ANGPT2: variants seen among roughly 807,000 people sequenced by gnomAD.
The protein encoded by ANGPT2 is angiopoietin-2.
Under a neutral mutation model 62.9 loss-of-function variants are expected in ANGPT2, and 28 were observed. The ratio of observed to expected loss-of-function variants is 0.44; its 90% CI spans 0.33 to 0.61. ANGPT2 has a LOEUF of 0.61. Among genes scored for constraint, ANGPT2 ranks in the 20% least tolerant of loss-of-function variants. ANGPT2 has a pLI of 0.03. For missense variants in ANGPT2, 727 were observed against 594.9 expected, an observed-to-expected ratio of 1.22 and a Z score of -2.31; for synonymous variants, 284 against 207.8, an observed-to-expected ratio of 1.37 and a Z score of -3.15.
intron 1 of ANGPT2, among the ~76,000 whole-genome samples, chr8:6,552,573 A>G (rs531488554): frequency 5.6e-4 from 86 of 152,332 alleles, no homozygotes; most frequent in Non-Finnish European, 1.2e-3. Flanking sequence ...ATAGATCTTG[A>G]TAAGTGTCTT....
chr8:6,525,255 G>A (rs1818119638), intron 3 of ANGPT2, among the ~76,000 whole-genome samples: 1 of 152,120 alleles, frequency 6.6e-6, no homozygotes, highest in African/African-American at 2.4e-5. Context: ...CCTGATCGTT[G>A]TAAATTAGTA....
intron 7 of ANGPT2, among the ~76,000 whole-genome samples, chr8:6,512,940 G>C (rs1017704110): frequency 1.2e-4 from 18 of 152,326 alleles, no homozygotes; most frequent in African/African-American, 4.3e-4. Flanking sequence ...CTTTGAGATT[G>C]AAGACAATTG....
intron 1 of ANGPT2, among the ~76,000 whole-genome samples, chr8:6,556,098 C>CA (rs1450607297): frequency 1.3e-5 from 2 of 152,084 alleles, no homozygotes; most frequent in Non-Finnish European, 2.9e-5. Flanking sequence ...GAATTGCTGC[C>CA]AAGACTAACC....
chr8:6,503,509 G>A (rs963885114), intron 8 of ANGPT2, among the ~76,000 whole-genome samples: 2 of 152,154 alleles, frequency 1.3e-5, no homozygotes, highest in Non-Finnish European at 2.9e-5. Flanking sequence ...GTGCTGTGTG[G>A]AGAGGCCTGA....
intron 5 of ANGPT2, 80 bp from the exon 6 acceptor site, chr8:6,514,858 C>T: frequency 2.4e-6 from 3 of 1,247,862 alleles, no homozygotes; most frequent in Non-Finnish European, 3.5e-6. Context: ...GGAATGTAGA[C>T]CCTGAGTGCA....
intron 1 of ANGPT2, among the ~76,000 whole-genome samples, chr8:6,541,204 A>G (rs1821495787): frequency 6.6e-6 from 1 of 152,206 alleles, no homozygotes; most frequent in Admixed American, 6.5e-5. Context: ...TCTGAGCAGC[A>G]CCAGAGGGTT....
intron 4 of ANGPT2, 107 bp downstream of exon 4, chr8:6,521,071 A>G: frequency 1.4e-6 from 1 of 740,014 alleles, no homozygotes; most frequent in South Asian, 1.9e-5. Context: ...CATATGAAAT[A>G]TATGAGAAAT....
rs140171100 is a variant in ANGPT2, at chr8:6,544,245, A to G, written c.289-11758T>C. 3.3e-5 allele frequency among the ~76,000 whole-genome samples: 5 copies of G among 152,316 alleles called. No homozygotes were observed. In the East Asian group the frequency reaches 7.7e-4, roughly 23 times the overall value. On this transcript the variant is annotated intron_variant, in intron 1 of 8. Coordinates refer to ENST00000629816, the MANE Select transcript of ANGPT2 (RefSeq NM_001118887.2). ...AGCTGGGACCTCTGTTTATTATGGA[A>G]GACCATAGAAAACCCCATAAACACG...
At chr8:6,540,102 G>C (rs563488875) in intron 1 of ANGPT2, among the ~76,000 whole-genome samples, 1 of 152,206 alleles carries the variant, frequency 6.6e-6, no homozygotes, top group African/African-American at 2.4e-5. Flanking sequence ...AGTAATTTGA[G>C]TGTACCAGAA....
At chr8:6,506,531 G>C (rs1482491559) in intron 8 of ANGPT2, among the ~76,000 whole-genome samples, 1 of 152,188 alleles carries the variant, frequency 6.6e-6, no homozygotes, top group Non-Finnish European at 1.5e-5. Context: ...TTCTCAAGGA[G>C]AGAGCTGGGT....
Position 6,563,003 on chromosome 8 carries a change from GC to G in ANGPT2, c.-70del. 1 of 1,498,476 alleles carries G rather than the reference GC, an allele frequency of 6.7e-7. No individual in the cohort carries two copies. Among genetic ancestry groups the G allele is most frequent in the East Asian group, 2.3e-5 (1 of 43,190 alleles). 92.8% of individuals were successfully genotyped at this position (1,498,476 alleles called of 1,614,324 possible). On this transcript the variant is annotated 5_prime_UTR_variant, in exon 1 of 9. Transcript: ENST00000629816. Reference sequence around the variant, plus strand: ...AAACACACGTCCAGAGTCCCGAGCTGCTGCCGTCTAAAACGCAGGGCTGCTA... The same window carrying G: ...AAACACACGTCCAGAGTCCCGAGCTGTGCCGTCTAAAACGCAGGGCTGCTA...
intron 1 of ANGPT2, among the ~76,000 whole-genome samples, chr8:6,558,038 G>A (rs970755646): frequency 1.3e-5 from 2 of 152,002 alleles, no homozygotes; most frequent in Admixed American, 6.6e-5. Context: ...GCCCCCACAC[G>A]CACCTTTAGT....
chr8:6,531,277 CT>C (rs1819457747), intron 2 of ANGPT2, among the ~76,000 whole-genome samples: 1 of 148,074 alleles, frequency 6.8e-6, no homozygotes, highest in Non-Finnish European at 1.5e-5. Flanking sequence ...TTACTAGTTT[CT>C]TTCTTTCTTT....
At chr8:6,534,440 A>G (rs1820137148) in intron 1 of ANGPT2, among the ~76,000 whole-genome samples, 1 of 152,142 alleles carries the variant, frequency 6.6e-6, no homozygotes, top group Non-Finnish European at 1.5e-5. Flanking sequence ...CCCCACAGAC[A>G]TCAAGGGACA....
chr8:6,524,870 GA>G (rs1267056712), intron 3 of ANGPT2, among the ~76,000 whole-genome samples: 1 of 152,186 alleles, frequency 6.6e-6, no homozygotes, highest in Non-Finnish European at 1.5e-5. Context: ...TTGGTGTCAC[GA>G]GCACCTTCAG....
intron 1 of ANGPT2, among the ~76,000 whole-genome samples, chr8:6,541,307 G>A (rs1821519872): frequency 6.6e-6 from 1 of 152,204 alleles, no homozygotes; most frequent in African/African-American, 2.4e-5. Flanking sequence ...AGTCTCATGG[G>A]CCCCAGGCTG....
Position 6,519,979 on chromosome 8 carries a change from G to A in ANGPT2, c.812C>T (p.Thr271Ile), listed in dbSNP as rs1332062975. The A allele has an allele frequency of 6.2e-7, 1 of 1,613,930 alleles. No individual in the cohort carries two copies. The change falls in exon 5 of 9, where the codon ACT (threonine) becomes ATT (isoleucine). Residue 271 changes from threonine to isoleucine, a missense_variant. By Grantham distance (89) the Thr-to-Ile change is moderately conservative. Transcript: ENST00000629816. ...MMSTSNSKDP[T>I]VAKEEQISFR... ...GCTGATTTGTTCTTCTTTAGCAACA[G>A]TGGGGTCCTTAGCTGCTTTTAAAAA...
At chr8:6,558,867 A>G (rs1341528295) in intron 1 of ANGPT2, among the ~76,000 whole-genome samples, 1 of 152,202 alleles carries the variant, frequency 6.6e-6, no homozygotes, top group East Asian at 1.9e-4. Context: ...TATTTTATAT[A>G]CTGTATAGGC....
Position 6,563,027 on chromosome 8 carries a change from C to CG in ANGPT2, c.-94_-93insC. ...TGCTGCCGTCTAAAACGCAGGGCTG[C>CG]TACGCTGCCATGGCTGGGTCCGTCA... On this transcript the variant is annotated 5_prime_UTR_variant, in exon 1 of 9. It removes the in-frame stop codon of an upstream open reading frame in the 5' UTR. Coordinates refer to ENST00000629816, the MANE Select transcript of ANGPT2 (RefSeq NM_001118887.2). The CG allele has an allele frequency of 7.2e-7, 1 of 1,383,136 alleles. No individual in the cohort carries two copies. The highest frequency in any genetic ancestry group is 9.7e-7 in the Non-Finnish European group (1 of 1,026,866). The allele number at this position is 1,383,136 out of a possible 1,614,324, so 85.7% of individuals were successfully genotyped here. A position where few individuals can be genotyped will look rare whatever the true frequency, so the allele number is the denominator to read the frequency against.
Sources: allele counts gnomAD v4.1 joint callset (sites outside exome capture counted in the v4.1 genomes callset), GRCh38; gene constraint gnomAD v4.1.1; transcripts MANE v1.5; gene names NCBI Gene and HGNC (gene_info 2026-07-23, HGNC 2026-07-21).